Variants in SLC44A1 observed in about 807,000 individuals in gnomAD.
SLC44A1 encodes choline transporter-like protein 1.
Under a neutral mutation model 79.3 loss-of-function variants are expected in SLC44A1, and 26 were observed. The ratio of observed to expected loss-of-function variants is 0.33; its 90% CI spans 0.24 to 0.46. SLC44A1 has a LOEUF of 0.46. SLC44A1 is among the 20% of genes least tolerant of loss of function. The probability of loss-of-function intolerance (pLI) is 1.00; values close to 1 mark genes in which losing one functional copy is unlikely to be tolerated. For missense variants in SLC44A1, 688 were observed against 798.1 expected (o/e 0.86, Z 1.66); for synonymous variants, 263 against 286.2 (o/e 0.92, Z 0.82).
chr9:105,279,675 C>A (rs1830304814), intron 1 of SLC44A1, among the ~76,000 whole-genome samples: 1 of 152,068 alleles, frequency 6.6e-6, no homozygotes, highest in Non-Finnish European at 1.5e-5. Context: ...GTCTTGTACT[C>A]GACAGTGATA....
intron 13 of SLC44A1, among the ~76,000 whole-genome samples, chr9:105,378,035 G>A (rs1180744846): frequency 1.3e-5 from 2 of 152,152 alleles, no homozygotes; most frequent in African/African-American, 2.4e-5. Flanking sequence ...ATCACTTGAG[G>A]TCAGGAGTTC....
rs1159249999 is a variant in SLC44A1, at chr9:105,392,931, C to A, written c.*3875C>A. ...GCTTTCGCTTTTCAATAAGTAAGTT[C>A]TTTACTGCTTTTCTACTGCTACTTT... On this transcript the variant is annotated 3_prime_UTR_variant, in exon 16 of 16. Transcript: ENST00000374720. 3.0e-6 allele frequency: 3 copies of A among 984,892 alleles called. No homozygotes were observed. Among genetic ancestry groups the A allele is most frequent in the African/African-American group, 1.8e-5 (1 of 57,138 alleles). The allele number at this position is 984,892 out of a possible 1,614,324, so 61.0% of individuals were successfully genotyped here. A position where few individuals can be genotyped will look rare whatever the true frequency, so the allele number is the denominator to read the frequency against.
intron 15 of SLC44A1, among the ~76,000 whole-genome samples, chr9:105,423,317 A>C (rs1829278314): frequency 6.6e-6 from 1 of 152,110 alleles, no homozygotes; most frequent in Admixed American, 6.6e-5. Context: ...TACAAAAATT[A>C]GGCGGGTATG....
At chr9:105,267,118 T>C (rs1020691539) in intron 1 of SLC44A1, among the ~76,000 whole-genome samples, 1 of 152,210 alleles carries the variant, frequency 6.6e-6, no homozygotes, top group Non-Finnish European at 1.5e-5. Context: ...CATGTTTTTA[T>C]TTTTATGTCA....
chr9:105,360,919 C>G (rs960261767), intron 7 of SLC44A1, among the ~76,000 whole-genome samples: 1 of 152,122 alleles, frequency 6.6e-6, no homozygotes, highest in African/African-American at 2.4e-5. Context: ...CTGGCTCGCT[C>G]TTAGCTTCAT....
rs73512096 is a variant in SLC44A1 at position 105,381,713 on chromosome 9, A to G, written c.1633-1410A>G. ...GAAGATTCATAAGTGTGTTGCTACA[A>G]AAATGGTGGGGAGTCTTCCAAAGCT... is the stretch of plus-strand genomic sequence containing the variant. On this transcript the variant is annotated intron_variant, in intron 13 of 15. Transcript: ENST00000374720. 1.3e-3 allele frequency among the ~76,000 whole-genome samples: 192 copies of G among 152,318 alleles called. 1 individual carries two copies. The highest frequency in any genetic ancestry group is 0.01 in the Middle Eastern group (3 of 294).
chr9:105,268,009 C>T (rs1047631732), intron 1 of SLC44A1, among the ~76,000 whole-genome samples: 1 of 152,122 alleles, frequency 6.6e-6, no homozygotes, highest in African/African-American at 2.4e-5. Flanking sequence ...TCCTGGGACT[C>T]AAGCAGGGAA....
At chr9:105,270,127 G>GCAAA (rs1234213701) in intron 1 of SLC44A1, among the ~76,000 whole-genome samples, 1 of 151,822 alleles carries the variant, frequency 6.6e-6, no homozygotes, top group Non-Finnish European at 1.5e-5. Flanking sequence ...GCTGGGCTTT[G>GCAAA]GAGAGATCAC....
chr9:105,288,731 A>G (rs10991607), intron 1 of SLC44A1, among the ~76,000 whole-genome samples: 14,257 of 152,270 alleles, frequency 0.094, 988 homozygotes, highest in African/African-American at 0.18. Context: ...ACCAATTTAC[A>G]TTGCTTTCAG....
chr9:105,354,272 G>T (rs1158507665), intron 5 of SLC44A1, among the ~76,000 whole-genome samples: 1 of 151,178 alleles, frequency 6.6e-6, no homozygotes, highest in Non-Finnish European at 1.5e-5. Context: ...GGATGGTCTC[G>T]ATCTCCTGAC....
chr9:105,316,586 AAAAAAGGAT>A (rs1160284698), intron 3 of SLC44A1, among the ~76,000 whole-genome samples: 1 of 152,180 alleles, frequency 6.6e-6, no homozygotes, highest in Non-Finnish European at 1.5e-5. Context: ...GGGTAATGGA[AAAAAAGGAT>A]AAAAAGACAT....
chr9:105,283,850 T>C (rs926160782), intron 1 of SLC44A1, among the ~76,000 whole-genome samples: 3 of 152,158 alleles, frequency 2.0e-5, no homozygotes, highest in African/African-American at 7.2e-5. Flanking sequence ...TTTTCTGTAG[T>C]TCTCTAGTTA....
chr9:105,421,135 A>T (rs1263801751), intron 15 of SLC44A1, among the ~76,000 whole-genome samples: 1 of 152,214 alleles, frequency 6.6e-6, no homozygotes, highest in Non-Finnish European at 1.5e-5. Flanking sequence ...TTTTCCTTAT[A>T]AAACAATACC....
rs1309031028 is a variant in SLC44A1 at position 105,397,282 on chromosome 9, C to T, written c.*8226C>T. 3.1e-6 allele frequency: 3 copies of T among 983,400 alleles called. No individual in the cohort carries two copies. Among genetic ancestry groups the T allele is most frequent in the Non-Finnish European group, 3.6e-6 (3 of 828,264 alleles). 60.9% of individuals were successfully genotyped at this position (983,400 alleles called of 1,614,324 possible). Reference sequence around the variant, plus strand: ...TCAGTTGCCAGAATTATAATGAAAACTGTATTTTAGTCTAACAAATGTATA... The same window carrying T: ...TCAGTTGCCAGAATTATAATGAAAATTGTATTTTAGTCTAACAAATGTATA... On this transcript the variant is annotated 3_prime_UTR_variant, in exon 16 of 16. Transcript: ENST00000374720.
Position 105,348,285 on chromosome 9 carries a change from A to G in SLC44A1, c.407-73A>G. 3.8e-6 allele frequency: 3 copies of G among 794,378 alleles called. No individual in the cohort carries two copies. The East Asian group carries it at 7.6e-5, about 20-fold the overall frequency. The allele number at this position is 794,378 out of a possible 1,614,324, so 49.2% of individuals were successfully genotyped here. A position where few individuals can be genotyped will look rare whatever the true frequency, so the allele number is the denominator to read the frequency against. ...TGGAAAGTTGCATATGTTGAATAATACAAAATTAAAATGAATAGTAAGAGA... is the reference window on the plus strand; with the variant it reads ...TGGAAAGTTGCATATGTTGAATAATGCAAAATTAAAATGAATAGTAAGAGA... On this transcript the variant is annotated intron_variant, in intron 4 of 15. Coordinates refer to ENST00000374720, the MANE Select transcript of SLC44A1 (RefSeq NM_080546.5).
At chr9:105,275,548 T>G (rs1412683485) in intron 1 of SLC44A1, among the ~76,000 whole-genome samples, 1 of 152,236 alleles carries the variant, frequency 6.6e-6, no homozygotes, top group Non-Finnish European at 1.5e-5. Context: ...GTGTGATTCC[T>G]TATAAAATTT....
chr9:105,400,419 G>C (rs1828942542), downstream of SLC44A1, among the ~76,000 whole-genome samples: 1 of 152,116 alleles, frequency 6.6e-6, no homozygotes, highest in Non-Finnish European at 1.5e-5. Flanking sequence ...AACCAGCGAG[G>C]TGGAGGTTGC....
Position 105,244,667 on chromosome 9 carries a change from T to C in SLC44A1, c.-202T>C, listed in dbSNP as rs390529. On this transcript the variant is annotated 5_prime_UTR_variant, in exon 1 of 16. Transcript: ENST00000374720. ...CAGAGCAGGAGACGCGTAGCCGCCG[T>C]CGCCGCCGCCGGGGGATGTGGCCGG... 0.11 allele frequency: 27,650 copies of C among 255,272 alleles called. 2,163 individuals are homozygous for C. Among genetic ancestry groups the C allele is most frequent in the African/African-American group, 0.25 (10,945 of 43,150 alleles). The allele number at this position is 255,272 out of a possible 1,614,324, so 15.8% of individuals were successfully genotyped here.
At position 105,397,175 on chromosome 9, in the gene SLC44A1, C is replaced by T. The variant is rs1193982903; in HGVS notation, c.*8119C>T. ...AACAATCAGCCTATATGAAACGGAG[C>T]TTTGAAATGTTTTTCTTGTGCAGAA... On this transcript the variant is annotated 3_prime_UTR_variant, in exon 16 of 16. Transcript: ENST00000374720. 2.0e-6 allele frequency: 2 copies of T among 985,176 alleles called. No individual in the cohort carries two copies. The highest frequency in any genetic ancestry group is 2.4e-6 in the Non-Finnish European group (2 of 829,872). 61.0% of individuals were successfully genotyped at this position (985,176 alleles called of 1,614,324 possible). A position where few individuals can be genotyped will look rare whatever the true frequency, so the allele number is the denominator to read the frequency against.
Sources: allele counts gnomAD v4.1 joint callset (sites outside exome capture counted in the v4.1 genomes callset), GRCh38; gene constraint gnomAD v4.1.1; transcripts MANE v1.5; gene names NCBI Gene and HGNC (gene_info 2026-07-23, HGNC 2026-07-21).